Variants in LIN28B observed in about 807,000 individuals in gnomAD.
The protein encoded by LIN28B is protein lin-28 homolog B.
In LIN28B, 5 loss-of-function variants were observed where a neutral mutation model predicts 21.9. The ratio of observed to expected loss-of-function variants is 0.23; its 90% CI spans 0.12 to 0.48. The LOEUF is 0.48. Ranked by LOEUF, LIN28B falls within the 20% of genes least tolerant of loss-of-function variation. LIN28B has a pLI of 0.98. For missense variants in LIN28B, 245 were observed against 310.5 expected, an observed-to-expected ratio of 0.79 and a Z score of 1.58; for synonymous variants, 109 against 111.3, an observed-to-expected ratio of 0.98 and a Z score of 0.13.
At chr6:105,053,503 T>C (rs542981860) in intron 3 of LIN28B, among the ~76,000 whole-genome samples, 9 of 151,740 alleles carry the variant, frequency 5.9e-5, no homozygotes, top group Non-Finnish European at 1.3e-4. Context: ...AGTGCTAACA[T>C]TGTTTGCTTC....
chr6:104,991,251 C>G (rs1340549160), intron 2 of LIN28B, among the ~76,000 whole-genome samples: 1 of 151,390 alleles, frequency 6.6e-6, no homozygotes, highest in Non-Finnish European at 1.5e-5. Context: ...TGCCTCCCTC[C>G]CGGACGGGGT....
upstream of LIN28B, among the ~76,000 whole-genome samples, chr6:104,953,523 A>G (rs981836453): frequency 1.3e-5 from 2 of 152,352 alleles, no homozygotes; most frequent in African/African-American, 4.8e-5. Context: ...GTTCTTGGGG[A>G]CAAGATGACA....
chr6:105,008,593 G>A lies in LIN28B; in HGVS notation c.199-17705G>A, dbSNP rs377047749. On this transcript the variant is annotated intron_variant, in intron 2 of 3. Transcript: ENST00000345080. ...CGGGAGGTGGAGTTTGCAGTGAGCC[G>A]AGATTGTGCCACTGCACTCCAGCCT... 8.6e-5 allele frequency among the ~76,000 whole-genome samples: 13 copies of A among 150,314 alleles called. No individual in the cohort carries two copies. In the East Asian group the frequency reaches 2.0e-3, roughly 23 times the overall value.
At chr6:104,964,678 A>C (rs1484055912) in intron 2 of LIN28B, among the ~76,000 whole-genome samples, 1 of 152,218 alleles carries the variant, frequency 6.6e-6, no homozygotes, top group Non-Finnish European at 1.5e-5. Context: ...TGTGTTTAAG[A>C]AAGTACATTG....
intron 2 of LIN28B, among the ~76,000 whole-genome samples, chr6:105,023,285 A>G (rs1417566866): frequency 6.1e-5 from 2 of 32,668 alleles, no homozygotes; most frequent in Non-Finnish European, 1.1e-4. Context: ...TATATATATA[A>G]ATAATATATA....
chr6:105,074,039 C>T (rs538760144), intron 3 of LIN28B, among the ~76,000 whole-genome samples: 7 of 152,170 alleles, frequency 4.6e-5, no homozygotes, highest in East Asian at 1.9e-4. Context: ...TTTTGATTAA[C>T]TTATTAACTA....
chr6:105,026,599 G>C (rs1273839543), intron 3 of LIN28B, 117 bp downstream of exon 3: 1 of 639,436 alleles, frequency 1.6e-6, no homozygotes, highest in African/African-American at 1.8e-5. Context: ...CCATCATGTA[G>C]AATATATTAA....
chr6:105,073,889 A>T (rs1264691378), intron 3 of LIN28B, among the ~76,000 whole-genome samples: 3 of 152,236 alleles, frequency 2.0e-5, no homozygotes, highest in African/African-American at 7.2e-5. Context: ...ATTATTGCTG[A>T]TATCATTTGA....
intron 3 of LIN28B, among the ~76,000 whole-genome samples, chr6:105,042,724 A>C (rs968708423): frequency 5.3e-5 from 8 of 152,056 alleles, no homozygotes; most frequent in African/African-American, 1.9e-4. Flanking sequence ...GGTTTATGTT[A>C]AAAATTATCT....
rs1351724031 is a variant in LIN28B, at chr6:105,083,134, A to G, written c.*4351A>G. 2 of 152,648 alleles carry G rather than the reference A, an allele frequency of 1.3e-5. No individual in the cohort carries two copies. Among genetic ancestry groups the G allele is most frequent in the African/African-American group, 4.8e-5 (2 of 41,464 alleles). The allele number at this position is 152,648 out of a possible 1,614,324, so 9.5% of individuals were successfully genotyped here. ...CACTTGAACTGTATGTTTTTAAAAG[A>G]CAAAAAAGGGGTAGATGTTTGGAAT... On this transcript the variant is annotated 3_prime_UTR_variant, in exon 4 of 4. Coordinates refer to ENST00000345080, the MANE Select transcript of LIN28B (RefSeq NM_001004317.4).
At chr6:105,075,001 C>G (rs750638449) in intron 3 of LIN28B, among the ~76,000 whole-genome samples, 3 of 152,230 alleles carry the variant, frequency 2.0e-5, no homozygotes, top group Non-Finnish European at 4.4e-5. Context: ...AGCCACTGCA[C>G]TTGGCCTATT....
intron 3 of LIN28B, among the ~76,000 whole-genome samples, chr6:105,054,670 A>C (rs1771985813): frequency 6.6e-6 from 1 of 152,184 alleles, no homozygotes; most frequent in South Asian, 2.1e-4. Flanking sequence ...CTGGAAAGCA[A>C]TCAACTTAGT....
chr6:104,947,156 A>T (rs1778165710), intron 2 of LIN28B, among the ~76,000 whole-genome samples: 1 of 152,114 alleles, frequency 6.6e-6, no homozygotes, highest in African/African-American at 2.4e-5. Context: ...ACAGAGTCTC[A>T]CTGTGTCACC....
intron 2 of LIN28B, among the ~76,000 whole-genome samples, chr6:104,971,630 G>T (rs1373576727): frequency 2.6e-5 from 4 of 152,070 alleles, no homozygotes; most frequent in Non-Finnish European, 5.9e-5. Flanking sequence ...ACTAGGATCA[G>T]GTATGAAGTC....
At chr6:104,990,708 C>CGCG (rs1554186257) in intron 2 of LIN28B, among the ~76,000 whole-genome samples, 1 of 151,990 alleles carries the variant, frequency 6.6e-6, no homozygotes, top group East Asian at 1.9e-4. Flanking sequence ...GAGGACCCTG[C>CGCG]GCCTTCTGCA....
chr6:104,999,419 A>G (rs895636361), intron 2 of LIN28B, among the ~76,000 whole-genome samples: 1 of 152,176 alleles, frequency 6.6e-6, no homozygotes, highest in African/African-American at 2.4e-5. Flanking sequence ...GATTCCAGGC[A>G]TAACCCACCT....
chr6:105,031,586 T>C (rs1582907122), intron 3 of LIN28B, among the ~76,000 whole-genome samples: 1 of 151,262 alleles, frequency 6.6e-6, no homozygotes, highest in Non-Finnish European at 1.5e-5. Flanking sequence ...CAGGCTGGAG[T>C]GCAGTGGCGC....
At chr6:105,043,309 C>A (rs972519167) in intron 3 of LIN28B, among the ~76,000 whole-genome samples, 2 of 136,800 alleles carry the variant, frequency 1.5e-5, no homozygotes, top group African/African-American at 5.7e-5. Context: ...GTAGTCCCAG[C>A]TGCTCAAGAG....
At chr6:104,942,861 C>G (rs1401553908) in intron 2 of LIN28B, among the ~76,000 whole-genome samples, 1 of 151,954 alleles carries the variant, frequency 6.6e-6, no homozygotes, top group Non-Finnish European at 1.5e-5. Flanking sequence ...GGAATTGGAT[C>G]GGGTTGTAAT....
Sources: allele counts gnomAD v4.1 joint callset (sites outside exome capture counted in the v4.1 genomes callset), GRCh38; gene constraint gnomAD v4.1.1; transcripts MANE v1.5; gene names NCBI Gene and HGNC (gene_info 2026-07-23, HGNC 2026-07-21).